PRPH2: variants seen among roughly 807,000 people sequenced by gnomAD.
PRPH2 encodes the protein peripherin-2.
In PRPH2, 17 loss-of-function variants were observed where a neutral mutation model predicts 31.3. The observed-to-expected ratio is 0.54, with a 90% CI of 0.37 to 0.81. PRPH2 has a LOEUF of 0.81. PRPH2 is among the 40% of genes least tolerant of loss of function. The pLI, the probability that PRPH2 is intolerant of heterozygous loss-of-function variation, is 0.00. For missense variants in PRPH2, 430 were observed against 439.7 expected, an observed-to-expected ratio of 0.98 and a Z score of 0.20; for synonymous variants, 165 against 184.4, an observed-to-expected ratio of 0.89 and a Z score of 0.85.
At chr6:42,714,771 A>G (rs1435572534) in intron 1 of PRPH2, among the ~76,000 whole-genome samples, 1 of 151,190 alleles carries the variant, frequency 6.6e-6, no homozygotes, top group African/African-American at 2.4e-5. Context: ...ATCCACTTCA[A>G]CCTCCCAAAG....
intron 2 of PRPH2, among the ~76,000 whole-genome samples, chr6:42,703,240 A>C (rs1455034906): frequency 6.6e-6 from 1 of 152,228 alleles, no homozygotes; most frequent in Non-Finnish European, 1.5e-5. Context: ...ATAAAAATAA[A>C]AAATGAATAT....
intron 1 of PRPH2, 107 bp downstream of exon 1, chr6:42,721,647 T>G: frequency 1.5e-6 from 2 of 1,295,512 alleles, no homozygotes; most frequent in Admixed American, 1.7e-5. Flanking sequence ...GTGCACCCGA[T>G]GGAGAGGAAA....
chr6:42,712,464 G>A (rs558726477), intron 1 of PRPH2, among the ~76,000 whole-genome samples: 1 of 152,296 alleles, frequency 6.6e-6, no homozygotes, highest in Admixed American at 6.5e-5. Flanking sequence ...GCCTATTAAA[G>A]TATTTACAGG....
Position 42,697,874 on chromosome 6 carries a change from A to ACTT in PRPH2, c.*418_*420dup, listed in dbSNP as rs1799973901. 1 of 171,852 alleles carries ACTT rather than the reference A, an allele frequency of 5.8e-6. No homozygotes were observed. The highest frequency in any genetic ancestry group is 1.6e-4 in the South Asian group (1 of 6,440). 10.6% of individuals were successfully genotyped at this position (171,852 alleles called of 1,614,324 possible). ...TTTCTGTGCTTATGCACCAAGTGAC[A>ACTT]CTTTGGATAGAGTGAAGCAACATGG... On this transcript the variant is annotated 3_prime_UTR_variant, in exon 3 of 3. Transcript: ENST00000230381.
chr6:42,720,051 A>T (rs1193433838), intron 1 of PRPH2, among the ~76,000 whole-genome samples: 2 of 152,210 alleles, frequency 1.3e-5, no homozygotes, highest in Non-Finnish European at 2.9e-5. Flanking sequence ...TGCGTGTAAT[A>T]GAAGAATTTT....
chr6:42,719,002 A>G (rs1284920735), intron 1 of PRPH2, among the ~76,000 whole-genome samples: 2 of 152,162 alleles, frequency 1.3e-5, no homozygotes, highest in Non-Finnish European at 2.9e-5. Flanking sequence ...GGAAAGTTAA[A>G]GCCAAAGGTC....
rs1196043034 is a variant in PRPH2 at position 42,697,814 on chromosome 6, A to G, written c.*481T>C. 1.9e-5 allele frequency: 3 copies of G among 154,460 alleles called. No homozygotes were observed. Among genetic ancestry groups the G allele is most frequent in the East Asian group, 3.8e-4 (2 of 5,246 alleles). 9.6% of individuals were successfully genotyped at this position (154,460 alleles called of 1,614,324 possible). A position where few individuals can be genotyped will look rare whatever the true frequency, so the allele number is the denominator to read the frequency against. On this transcript the variant is annotated 3_prime_UTR_variant, in exon 3 of 3. Coordinates refer to ENST00000230381, the MANE Select transcript of PRPH2 (RefSeq NM_000322.5). ...CCAACCTGTCAATCTTGGCATTAAAAAAAAAAAAAAAAGACAACATGGCCA... is the reference window on the plus strand; with the variant it reads ...CCAACCTGTCAATCTTGGCATTAAAGAAAAAAAAAAAAGACAACATGGCCA...
intron 2 of PRPH2, among the ~76,000 whole-genome samples, chr6:42,700,364 ACT>A (rs1206457618): frequency 6.6e-6 from 1 of 152,050 alleles, no homozygotes; most frequent in African/African-American, 2.4e-5. Context: ...GGCATAGCAA[ACT>A]CTACAAGAGG....
intron 1 of PRPH2, among the ~76,000 whole-genome samples, chr6:42,711,561 A>AT (rs1264664319): frequency 1.1e-5 from 1 of 93,140 alleles, no homozygotes; most frequent in African/African-American, 4.8e-5. Context: ...CCCCGGTCTG[A>AT]GGGGGACACA....
At chr6:42,702,902 T>C (rs1042793486) in intron 2 of PRPH2, among the ~76,000 whole-genome samples, 23 of 150,950 alleles carry the variant, frequency 1.5e-4, no homozygotes, top group African/African-American at 5.1e-4. Context: ...CTTGGCCAGA[T>C]GCAGTGGCAC....
chr6:42,722,444 G>A lies in PRPH2; in HGVS notation c.-110C>T. 1 of 1,543,204 alleles carries A rather than the reference G, an allele frequency of 6.5e-7. No homozygotes were observed. The highest frequency in any genetic ancestry group is 8.7e-7 in the Non-Finnish European group (1 of 1,151,216). On this transcript the variant is annotated 5_prime_UTR_variant, in exon 1 of 3. Coordinates refer to ENST00000230381, the MANE Select transcript of PRPH2 (RefSeq NM_000322.5). This position sits in a 1 kb window ranked among gnomAD's most constrained non-coding sequence, Gnocchi z 4.4. Reference sequence around the variant, plus strand: ...CTTGGGAAAAGTGCAGATGGCCCAAGCTGTAGGGAGCTGCCCTGGGGGCTA... The same window carrying A: ...CTTGGGAAAAGTGCAGATGGCCCAAACTGTAGGGAGCTGCCCTGGGGGCTA...
rs138158559 is a variant in PRPH2 at position 42,700,297 on chromosome 6, C to T, written c.829-1790G>A. ...TTTCTATAATATATTCCGTATATTC[C>T]GTTAGCCACTTGTTTCTGTACAAAT... On this transcript the variant is annotated intron_variant, in intron 2 of 2. Coordinates refer to ENST00000230381, the MANE Select transcript of PRPH2 (RefSeq NM_000322.5). Among the ~76,000 whole-genome samples the T allele has an allele frequency of 2.1e-3, 325 of 152,244 alleles. 1 individual carries two copies. The highest frequency in any genetic ancestry group is 2.8e-3 in the African/African-American group (116 of 41,532).
At chr6:42,718,229 T>G (rs1259676705) in intron 1 of PRPH2, among the ~76,000 whole-genome samples, 3 of 150,950 alleles carry the variant, frequency 2.0e-5, no homozygotes, top group African/African-American at 4.9e-5. Flanking sequence ...GAGAATCACT[T>G]GAGCCTGGGA....
At chr6:42,699,540 C>G (rs1488351772) in intron 2 of PRPH2, among the ~76,000 whole-genome samples, 1 of 152,184 alleles carries the variant, frequency 6.6e-6, no homozygotes, top group East Asian at 1.9e-4. Context: ...TGCAGATTTT[C>G]AGATGAAGTG....
At chr6:42,719,263 G>A (rs946253738) in intron 1 of PRPH2, among the ~76,000 whole-genome samples, 17 of 150,342 alleles carry the variant, frequency 1.1e-4, no homozygotes, top group Non-Finnish European at 1.2e-4. Flanking sequence ...CCGCCTCCCT[G>A]CTTCTCTGGT....
intron 1 of PRPH2, 96 bp from the exon 2 acceptor site, chr6:42,704,707 A>C: frequency 6.4e-7 from 1 of 1,552,980 alleles, no homozygotes; most frequent in Non-Finnish European, 8.9e-7. Flanking sequence ...TAGAATAGTC[A>C]TTCACTCGCA....
At chr6:42,704,724 G>A (rs919336413) in intron 1 of PRPH2, 113 bp from the exon 2 acceptor site, 3 of 1,503,560 alleles carry the variant, frequency 2.0e-6, no homozygotes, top group African/African-American at 2.7e-5. Context: ...CGCACACTTG[G>A]TATATATTTG....
At chr6:42,713,076 T>C (rs1191193702) in intron 1 of PRPH2, among the ~76,000 whole-genome samples, 3 of 151,642 alleles carry the variant, frequency 2.0e-5, no homozygotes, top group Non-Finnish European at 4.4e-5. Context: ...AATATAAAAA[T>C]TAGCCAGGTA....
chr6:42,704,586 G>A lies in PRPH2; in HGVS notation c.607C>T (p.Arg203Trp). 2.5e-6 allele frequency: 4 copies of A among 1,614,162 alleles called. No homozygotes were observed. The highest frequency in any genetic ancestry group is 2.5e-6 in the Non-Finnish European group (3 of 1,180,024). The change falls in exon 2 of 3, where the codon CGG becomes TGG. Residue 203 changes from arginine to tryptophan, a missense_variant. By Grantham distance (101) the Arg-to-Trp change is moderately radical (BLOSUM62 -3). Transcript: ENST00000230381. ...KDRIKSNVDGRYLVDGVPFSC... is the reference protein window; with the variant it reads ...KDRIKSNVDGWYLVDGVPFSC... ...AAAGGGACGCCGTCCACCAGGTACC[G>A]CCCATCCACGTTGCTCTTGATTCGA...
Sources: gnomAD v4.1 joint callset for allele counts (sites outside exome capture counted in the v4.1 genomes callset) on GRCh38, gnomAD v4.1.1 for gene constraint, Gnocchi (gnomAD v3.1) non-coding constraint, MANE v1.5 for transcripts, NCBI Gene and HGNC (gene_info 2026-07-23, HGNC 2026-07-21) for gene names.